Variants in CACNG4 observed in about 807,000 individuals in gnomAD.
CACNG4 encodes calcium voltage-gated channel auxiliary subunit gamma 4.
CACNG4 carries 8 observed loss-of-function variants against 22.9 expected under a neutral mutation model. That is an observed-to-expected ratio of 0.35 (90% confidence interval 0.21 to 0.63). CACNG4 has a LOEUF of 0.63. CACNG4 is among the 30% of genes least tolerant of loss of function. The pLI is 0.72. For missense variants in CACNG4, 357 were observed against 455.4 expected (o/e 0.78, Z 1.97); for synonymous variants, 188 against 191.9 (o/e 0.98, Z 0.17).
intron 1 of CACNG4, among the ~76,000 whole-genome samples, chr17:66,968,802 T>C (rs954544803): frequency 1.4e-5 from 2 of 142,462 alleles, no homozygotes; most frequent in African/African-American, 5.4e-5. Context: ...CTCCTTTTCT[T>C]TCCTCCCTTT....
At chr17:67,015,058 CT>C (rs1321659908) in intron 1 of CACNG4, among the ~76,000 whole-genome samples, 1 of 152,156 alleles carries the variant, frequency 6.6e-6, no homozygotes, top group African/African-American at 2.4e-5. Flanking sequence ...CTCATTCACT[CT>C]CCACGGGGCT....
chr17:66,967,435 C>T (rs3826348), intron 1 of CACNG4, among the ~76,000 whole-genome samples: 10,713 of 152,194 alleles, frequency 0.07, 584 homozygotes, highest in East Asian at 0.25. Context: ...GACAGCTTTT[C>T]TCATAAAAAG....
intron 1 of CACNG4, among the ~76,000 whole-genome samples, chr17:66,985,974 A>G (rs8065024): frequency 0.55 from 82,184 of 150,122 alleles, 23,027 homozygotes; most frequent in African/African-American, 0.7. Context: ...AAGAAGAAGA[A>G]GGTTCCAGAC....
At chr17:67,000,474 A>T (rs982360241) in intron 1 of CACNG4, among the ~76,000 whole-genome samples, 10 of 152,092 alleles carry the variant, frequency 6.6e-5, no homozygotes, top group Non-Finnish European at 1.3e-4. Flanking sequence ...TCCAGGAGGA[A>T]GCTGAGGCTG....
At chr17:67,023,575 C>T (rs866271555) in intron 2 of CACNG4, among the ~76,000 whole-genome samples, 2 of 133,524 alleles carry the variant, frequency 1.5e-5, no homozygotes, top group Non-Finnish European at 1.6e-5. Flanking sequence ...GCGCCCAGCC[C>T]TTTTTTTTTT....
intron 1 of CACNG4, among the ~76,000 whole-genome samples, chr17:67,011,065 G>T (rs946045999): frequency 1.3e-5 from 2 of 152,182 alleles, no homozygotes; most frequent in Non-Finnish European, 2.9e-5. Flanking sequence ...GGTAAAGTTC[G>T]CATTGCTGGC....
intron 1 of CACNG4, among the ~76,000 whole-genome samples, chr17:67,009,971 C>A (rs1383606491): frequency 6.6e-6 from 1 of 152,028 alleles, no homozygotes; most frequent in African/African-American, 2.4e-5. Flanking sequence ...CCATGCAAGA[C>A]CCCACCCCCA....
At chr17:66,969,224 A>C (rs1158155469) in intron 1 of CACNG4, among the ~76,000 whole-genome samples, 1 of 152,196 alleles carries the variant, frequency 6.6e-6, no homozygotes, top group Non-Finnish European at 1.5e-5. Flanking sequence ...CTTGTGCCAC[A>C]TGCCAAAGCC....
chr17:66,969,596 A>G (rs2035191795), intron 1 of CACNG4, among the ~76,000 whole-genome samples: 1 of 152,132 alleles, frequency 6.6e-6, no homozygotes, highest in East Asian at 1.9e-4. Flanking sequence ...TCTTCCCACC[A>G]TGGCACACTG....
intron 1 of CACNG4, among the ~76,000 whole-genome samples, chr17:67,007,645 C>T (rs2035445521): frequency 1.3e-5 from 2 of 152,160 alleles, no homozygotes; most frequent in Admixed American, 1.3e-4. Flanking sequence ...TAAGCCCTTT[C>T]CTCAGTCGTC....
At chr17:67,017,366 T>A (rs1598121514) in intron 1 of CACNG4, among the ~76,000 whole-genome samples, 1 of 151,700 alleles carries the variant, frequency 6.6e-6, no homozygotes, top group East Asian at 2.0e-4. Context: ...CGTGAGCCAC[T>A]GCATCCGGCC....
At chr17:66,975,990 G>A (rs1048265181) in intron 1 of CACNG4, among the ~76,000 whole-genome samples, 4 of 152,228 alleles carry the variant, frequency 2.6e-5, no homozygotes, top group African/African-American at 9.6e-5. Context: ...GTAGCCTCAG[G>A]GGTGGGAACT....
At chr17:66,980,855 G>T (rs1261442190) in intron 1 of CACNG4, among the ~76,000 whole-genome samples, 2 of 151,984 alleles carry the variant, frequency 1.3e-5, no homozygotes, top group Non-Finnish European at 2.9e-5. Flanking sequence ...CTGACCTCAG[G>T]CAATCCGCCT....
chr17:66,967,591 G>A (rs142009710), intron 1 of CACNG4, among the ~76,000 whole-genome samples: 21 of 152,296 alleles, frequency 1.4e-4, no homozygotes, highest in African/African-American at 4.6e-4. Flanking sequence ...GGTTACCTCC[G>A]TGTTGGCTTT....
At chr17:66,989,188 G>C (rs2035323887) in intron 1 of CACNG4, among the ~76,000 whole-genome samples, 1 of 150,712 alleles carries the variant, frequency 6.6e-6, no homozygotes, top group South Asian at 2.1e-4. Flanking sequence ...CCCCTAAAAA[G>C]ATATGTCAAA....
At position 66,964,942 on chromosome 17, in the gene CACNG4, C is replaced by A; in HGVS notation, c.31C>A (p.Leu11Met). 2 of 1,599,220 alleles carry A rather than the reference C, an allele frequency of 1.3e-6. No homozygotes were observed. The change falls in exon 1 of 4, where the codon CTG becomes ATG. Residue 11 changes from leucine (L) to methionine (M), a missense_variant. By Grantham distance (15) the Leu-to-Met change is conservative. Coordinates refer to ENST00000262138, the MANE Select transcript of CACNG4 (RefSeq NM_014405.4). MVRCDRGLQM[L>M]LTTAGAFAAF... ...GCGATGCGACCGCGGGCTGCAGATGCTGCTGACCACGGCCGGAGCCTTCGC... is the reference window on the plus strand; with the variant it reads ...GCGATGCGACCGCGGGCTGCAGATGATGCTGACCACGGCCGGAGCCTTCGC...
chr17:66,981,945 A>T lies in CACNG4; in HGVS notation c.220+16814A>T, dbSNP rs191192627. On this transcript the variant is annotated intron_variant, in intron 1 of 3. Coordinates refer to ENST00000262138, the MANE Select transcript of CACNG4 (RefSeq NM_014405.4). ...AGAGAGCTAACTCTTATAAAAAAAA[A>T]TTTTTAGAGATACGGTCTCACTCTG... 8.6e-4 allele frequency among the ~76,000 whole-genome samples: 131 copies of T among 152,228 alleles called. 1 individual carries two copies. The East Asian group carries it at 0.012, about 13-fold the overall frequency.
At position 67,030,926 on chromosome 17, in the gene CACNG4, G is replaced by T; in HGVS notation, c.906G>T (p.Gln302His). Reference protein sequence around the residue: ...YSPDQEASFLQVHDFFQQDLK... With the variant: ...YSPDQEASFLHVHDFFQQDLK... ...CCGACCAGGAGGCCAGCTTCCTGCA[G>T]GTGCATGACTTTTTCCAGCAGGACC... Residue 302 changes from glutamine to histidine, a missense_variant, in exon 4 of 4, where the codon CAG becomes CAT. Gln to His is a conservative substitution (Grantham distance 24). Transcript: ENST00000262138. This position sits in a 1 kb window ranked among gnomAD's most constrained non-coding sequence, Gnocchi z 6.4. 4 of 1,613,516 alleles carry T rather than the reference G, an allele frequency of 2.5e-6. No homozygotes were observed. Among genetic ancestry groups the T allele is most frequent in the Non-Finnish European group, 3.4e-6 (4 of 1,180,022 alleles).
At position 67,027,406 on chromosome 17, in the gene CACNG4, T is replaced by C. The variant is rs1043300424; in HGVS notation, c.445+2406T>C. Among the ~76,000 whole-genome samples the C allele has an allele frequency of 1.3e-5, 2 of 152,130 alleles. No individual in the cohort carries two copies. Among genetic ancestry groups the C allele is most frequent in the Admixed American group, 1.3e-4 (2 of 15,286 alleles). On this transcript the variant is annotated intron_variant, in intron 3 of 3. Coordinates refer to ENST00000262138, the MANE Select transcript of CACNG4 (RefSeq NM_014405.4). The surrounding 1 kb of genome is among the most constrained non-coding windows in gnomAD (Gnocchi z 4.3). ...CAATGGGGAGGCCAGCAAGGGGACATTGGCTTATTCCCTGGCGCATGGGGC... is the reference window on the plus strand; with the variant it reads ...CAATGGGGAGGCCAGCAAGGGGACACTGGCTTATTCCCTGGCGCATGGGGC...
Sources: allele counts gnomAD v4.1 joint callset (sites outside exome capture counted in the v4.1 genomes callset), GRCh38; gene constraint gnomAD v4.1.1; non-coding constraint Gnocchi (gnomAD v3.1); transcripts MANE v1.5; gene names NCBI Gene and HGNC (gene_info 2026-07-23, HGNC 2026-07-21).